The following NBAS variants were observed in gnomAD, a reference collection of about 807,000 sequenced individuals.
The protein encoded by NBAS is NBAS subunit of NRZ tethering complex, also known as NAG/BC035112 fusion.
NBAS carries 219 observed loss-of-function variants against 302.5 expected under a neutral mutation model. The observed-to-expected ratio is 0.72, with a 90% CI of 0.65 to 0.81. The LOEUF is 0.81. Ranked by LOEUF, NBAS falls within the 30% of genes least tolerant of loss-of-function variation. The pLI, the probability that NBAS is intolerant of heterozygous loss-of-function variation, is 0.00. For synonymous variants in NBAS, 1,118 were observed against 1,021.6 expected, an observed-to-expected ratio of 1.09 and a Z score of -1.80; for missense variants, 2,932 against 2,841.6, an observed-to-expected ratio of 1.03 and a Z score of -0.72.
the NBAS span, among the ~76,000 whole-genome samples, chr2:15,039,292 G>C: frequency 6.6e-6 from 1 of 152,196 alleles, no homozygotes; most frequent in South Asian, 2.1e-4. Context: ...AGTGGAAAAT[G>C]GGGATGTCTG....
chr2:15,155,753 GAAGT>G, the NBAS span, among the ~76,000 whole-genome samples: 1 of 152,210 alleles, frequency 6.6e-6, no homozygotes, highest in Non-Finnish European at 1.5e-5. Context: ...TCTTCCTGCA[GAAGT>G]AATTGCCATA....
chr2:15,170,590 G>A (rs930241861), intron 51 of NBAS, among the ~76,000 whole-genome samples: 2 of 152,204 alleles, frequency 1.3e-5, no homozygotes, highest in African/African-American at 4.8e-5. Flanking sequence ...TGGAAACGCA[G>A]GGTGGGTGAC....
At chr2:15,219,477 C>T (rs11693880) in intron 47 of NBAS, among the ~76,000 whole-genome samples, 38,804 of 131,640 alleles carry the variant, frequency 0.29, 6,138 homozygotes, top group African/African-American at 0.42. Flanking sequence ...TGCGGCCTTC[C>T]GCAGTGTTTG....
At chr2:15,548,823 G>C (rs1664239196) in intron 6 of NBAS, among the ~76,000 whole-genome samples, 1 of 151,894 alleles carries the variant, frequency 6.6e-6, no homozygotes, top group Non-Finnish European at 1.5e-5. Flanking sequence ...ACAAAGGTAG[G>C]AGCTTCCGAG....
At chr2:14,984,974 G>C in the NBAS span, among the ~76,000 whole-genome samples, 11,821 of 152,104 alleles carry the variant, frequency 0.078, 1,188 homozygotes, top group African/African-American at 0.22. Context: ...CAATTAGGAA[G>C]GTGTCATCTT....
intron 40 of NBAS, among the ~76,000 whole-genome samples, chr2:15,294,186 T>C (rs983744962): frequency 1.3e-5 from 2 of 152,190 alleles, no homozygotes; most frequent in Admixed American, 1.3e-4. Context: ...TAGGGTGCTC[T>C]GGGAATACAC....
chr2:14,892,601 C>T, the NBAS span, among the ~76,000 whole-genome samples: 1 of 151,984 alleles, frequency 6.6e-6, no homozygotes, highest in African/African-American at 2.4e-5. Flanking sequence ...TTAACTTAGT[C>T]GTATTTAGGA....
chr2:15,335,217 T>C (rs1157499083), intron 35 of NBAS, among the ~76,000 whole-genome samples: 2 of 151,548 alleles, frequency 1.3e-5, no homozygotes, highest in African/African-American at 2.4e-5. Context: ...GTCATTACTA[T>C]GTCATATCAT....
the NBAS span, among the ~76,000 whole-genome samples, chr2:14,809,357 G>A: frequency 6.6e-6 from 1 of 152,212 alleles, no homozygotes; most frequent in South Asian, 2.1e-4. Flanking sequence ...AAGATCCCAA[G>A]CTGTGTGCAG....
chr2:15,517,450 G>A (rs1472087876), intron 9 of NBAS, among the ~76,000 whole-genome samples: 1 of 152,150 alleles, frequency 6.6e-6, no homozygotes, highest in African/African-American at 2.4e-5. Flanking sequence ...GCTGCCTCTA[G>A]AGGGAAGAAA....
the NBAS span, among the ~76,000 whole-genome samples, chr2:14,950,915 T>G: frequency 3.3e-5 from 5 of 152,304 alleles, no homozygotes; most frequent in South Asian, 8.3e-4. Flanking sequence ...GTCCCTGTAG[T>G]TCTTGAAGAA....
At chr2:14,990,243 TC>T in the NBAS span, among the ~76,000 whole-genome samples, 1 of 129,504 alleles carries the variant, frequency 7.7e-6, no homozygotes, top group Non-Finnish European at 1.6e-5. Flanking sequence ...TGAAACCCTG[TC>T]CCTACTAAAA....
intron 21 of NBAS, among the ~76,000 whole-genome samples, chr2:15,446,106 T>C (rs1678727443): frequency 6.6e-6 from 1 of 151,530 alleles, no homozygotes; most frequent in Admixed American, 6.6e-5. Flanking sequence ...GTGTGTGTAT[T>C]GGGAAGGAGA....
chr2:14,872,979 G>C, the NBAS span, among the ~76,000 whole-genome samples: 2 of 152,202 alleles, frequency 1.3e-5, no homozygotes, highest in African/African-American at 4.8e-5. Flanking sequence ...CAGACCCAGT[G>C]AGCAGCAGTA....
intron 51 of NBAS, among the ~76,000 whole-genome samples, chr2:15,177,723 C>T (rs192276431): frequency 1.3e-5 from 2 of 152,238 alleles, no homozygotes; most frequent in South Asian, 2.1e-4. Context: ...GAAAAAAACT[C>T]ATTATAATTC....
At chr2:15,341,145 G>A (rs547470142) in intron 35 of NBAS, among the ~76,000 whole-genome samples, 46 of 152,252 alleles carry the variant, frequency 3.0e-4, no homozygotes, top group Admixed American at 1.4e-3. Flanking sequence ...CAGTGCTTTA[G>A]GAGGCCGAAG....
At chr2:15,243,549 T>C (rs1361075377) in intron 44 of NBAS, among the ~76,000 whole-genome samples, 1 of 151,420 alleles carries the variant, frequency 6.6e-6, no homozygotes, top group African/African-American at 2.4e-5. Context: ...AGGCAATATG[T>C]GGCTTTGGTT....
chr2:15,065,347 A>G, the NBAS span, among the ~76,000 whole-genome samples: 77,134 of 151,964 alleles, frequency 0.51, 21,832 homozygotes, highest in Non-Finnish European at 0.62. Flanking sequence ...AAACAAAACA[A>G]GGATGTCCTC....
At chr2:14,930,715 G>C in the NBAS span, among the ~76,000 whole-genome samples, 3 of 152,186 alleles carry the variant, frequency 2.0e-5, no homozygotes, top group African/African-American at 7.2e-5. Flanking sequence ...ATCTGGCCAG[G>C]CTTTGACATT....
Sources: gnomAD v4.1 joint callset for allele counts (sites outside exome capture counted in the v4.1 genomes callset) on GRCh38, gnomAD v4.1.1 for gene constraint, MANE v1.5 for transcripts, NCBI Gene and HGNC (gene_info 2026-07-23, HGNC 2026-07-21) for gene names.